The following CUX1 variants were observed in gnomAD, a reference collection of about 807,000 sequenced individuals.
CUX1 encodes the protein protein CASP.
A neutral mutation model predicts 158.8 loss-of-function variants in CUX1; 31 were observed. The observed-to-expected ratio is 0.20, with a 90% CI of 0.15 to 0.26. CUX1 has a LOEUF of 0.26. Ranked by LOEUF, CUX1 falls within the 10% of genes least tolerant of loss-of-function variation. The pLI is 1.00. For missense variants in CUX1, 1,589 were observed against 2,014.6 expected, an observed-to-expected ratio of 0.79 and a Z score of 4.04; for synonymous variants, 879 against 862.1, an observed-to-expected ratio of 1.02 and a Z score of -0.34.
At chr7:101,931,363 G>A (rs549017894) in intron 2 of CUX1, among the ~76,000 whole-genome samples, 5 of 152,276 alleles carry the variant, frequency 3.3e-5, no homozygotes, top group African/African-American at 4.8e-5. Context: ...GGACACAGCC[G>A]TCGTAGCTTA....
At position 102,193,878 on chromosome 7, in the gene CUX1, C is replaced by T. The variant is rs781919545; in HGVS notation, c.1113C>T (p.Gly371=). 1.2e-5 allele frequency: 20 copies of T among 1,613,924 alleles called. No individual in the cohort carries two copies. The South Asian group carries it at 1.6e-4, about 13-fold the overall frequency. ...CCATGGAGTTTGCACCGTCCGAGGG[C>T]GCTGGGACACAGGTACGTGTCTCAC... ...LKSMEFAPSE[G]AGTQDAAKPL... The change falls in exon 13 of 24, where the codon GGC becomes GGT. Residue 371 remains glycine (G), a synonymous_variant. Coordinates refer to ENST00000292535, the MANE Select transcript of CUX1 (RefSeq NM_181552.4).
intron 1 of CUX1, among the ~76,000 whole-genome samples, chr7:101,898,989 C>T (rs1316138341): frequency 6.6e-6 from 1 of 152,258 alleles, no homozygotes; most frequent in Admixed American, 6.5e-5. Flanking sequence ...GCCCCGTCCA[C>T]TGGCGGCTAT....
intron 2 of CUX1, among the ~76,000 whole-genome samples, chr7:102,016,839 A>G (rs777287367): frequency 6.6e-6 from 1 of 152,234 alleles, no homozygotes; most frequent in Admixed American, 6.5e-5. Flanking sequence ...CTGATTTTAA[A>G]CAGCCCATTT....
chr7:101,896,076 T>A (rs1191237499), intron 1 of CUX1, among the ~76,000 whole-genome samples: 2 of 151,778 alleles, frequency 1.3e-5, no homozygotes, highest in African/African-American at 4.8e-5. Flanking sequence ...TTTATTATTT[T>A]TTCGAAGAGA....
chr7:101,883,447 T>C (rs1436967367), intron 1 of CUX1, among the ~76,000 whole-genome samples: 1 of 152,190 alleles, frequency 6.6e-6, no homozygotes, highest in Non-Finnish European at 1.5e-5. Flanking sequence ...TGCTGTTTAT[T>C]GTACTTTTAT....
chr7:101,901,412 G>A (rs1449431529), intron 1 of CUX1, among the ~76,000 whole-genome samples: 1 of 152,054 alleles, frequency 6.6e-6, no homozygotes, highest in East Asian at 1.9e-4. Context: ...TCCTGCCTCA[G>A]CCTCCCGAGT....
chr7:102,184,374 G>A (rs1793427483), intron 11 of CUX1, among the ~76,000 whole-genome samples: 2 of 152,308 alleles, frequency 1.3e-5, no homozygotes, highest in South Asian at 2.1e-4. Flanking sequence ...GGAGCCATGT[G>A]GGCTCCGTGT....
intron 9 of CUX1, among the ~76,000 whole-genome samples, chr7:102,167,833 T>C (rs1554509255): frequency 6.6e-6 from 1 of 152,022 alleles, no homozygotes; most frequent in South Asian, 2.1e-4. Context: ...TAATCCCAGC[T>C]CTTTGGGAGG....
chr7:102,105,577 A>G (rs1436686919), intron 6 of CUX1, among the ~76,000 whole-genome samples: 1 of 144,264 alleles, frequency 6.9e-6, no homozygotes, highest in Non-Finnish European at 1.5e-5. Flanking sequence ...CAATGGCGCA[A>G]TCTCGGCTCA....
intron 5 of CUX1, among the ~76,000 whole-genome samples, chr7:102,098,322 T>G (rs1432960505): frequency 6.6e-6 from 1 of 152,126 alleles, no homozygotes; most frequent in Non-Finnish European, 1.5e-5. Context: ...CAATAAAGAG[T>G]TAATTGGGGC....
intron 1 of CUX1, among the ~76,000 whole-genome samples, chr7:101,881,747 G>A (rs1417362868): frequency 6.6e-6 from 1 of 152,206 alleles, no homozygotes; most frequent in East Asian, 1.9e-4. Flanking sequence ...AAAGGGGACT[G>A]ATGACTTTCT....
rs750818355 is a variant in CUX1 at position 102,053,802 on chromosome 7, C to CTT, written c.190-16516_190-16515dup. ...TTCCATTCTGTGGGTTGTCTTCTCACTTTTTTTTTTTTTTTTTTTTTTGAG... is the reference window on the plus strand; with the variant it reads ...TTCCATTCTGTGGGTTGTCTTCTCACTTTTTTTTTTTTTTTTTTTTTTTTGAG... On this transcript the variant is annotated intron_variant, in intron 3 of 23. Transcript: ENST00000292535. Among the ~76,000 whole-genome samples, 378 of 119,800 alleles carry CTT rather than the reference C, an allele frequency of 3.2e-3. 2 individuals carry two copies. The highest frequency in any genetic ancestry group is 8.5e-3 in the Middle Eastern group (2 of 236). 78.6% of individuals were successfully genotyped at this position (119,800 alleles called of 152,430 possible).
At chr7:101,939,700 G>A (rs916203681) in intron 2 of CUX1, among the ~76,000 whole-genome samples, 4 of 152,228 alleles carry the variant, frequency 2.6e-5, no homozygotes, top group Non-Finnish European at 5.9e-5. Context: ...GGTGGTGGTT[G>A]CCTGTGGTCC....
chr7:101,962,285 A>G (rs1168883319), intron 2 of CUX1, among the ~76,000 whole-genome samples: 1 of 152,216 alleles, frequency 6.6e-6, no homozygotes, highest in Non-Finnish European at 1.5e-5. Flanking sequence ...CTGTCCGTGG[A>G]ATCACAGAGC....
chr7:102,011,868 AGGCT>A (rs981632433), intron 2 of CUX1, among the ~76,000 whole-genome samples: 1 of 151,674 alleles, frequency 6.6e-6, no homozygotes, highest in African/African-American at 2.4e-5. Context: ...CTTGTCACCC[AGGCT>A]GGAGTGCAAT....
In CUX1 at chr7:102,132,190, ATAGATGGATGGG is replaced by A. The variant is rs1563287918; in HGVS notation, c.674+16918_674+16929del. On this transcript the variant is annotated intron_variant, in intron 8 of 23. Transcript: ENST00000292535. Reference sequence around the variant, plus strand: ...GGTGGATAGATGGATGGGCGGGTGGATAGATGGATGGGCGGGTGGATAGATGGATGGATGGAC... The same window carrying A: ...GGTGGATAGATGGATGGGCGGGTGGACGGGTGGATAGATGGATGGATGGAC... 1.4e-3 allele frequency among the ~76,000 whole-genome samples: 211 copies of A among 151,114 alleles called. 1 individual carries two copies. Among genetic ancestry groups the A allele is most frequent in the African/African-American group, 5.0e-3 (206 of 41,182 alleles).
chr7:101,816,110 C>G, upstream of CUX1: 1 of 1,337,630 alleles, frequency 7.5e-7, no homozygotes, highest in Non-Finnish European at 9.9e-7. Flanking sequence ...CTCCTCCGCG[C>G]TCGGCCTCGC....
chr7:101,954,427 G>A (rs189741292), intron 2 of CUX1, among the ~76,000 whole-genome samples: 97 of 152,314 alleles, frequency 6.4e-4, no homozygotes, highest in Non-Finnish European at 1.3e-3. Context: ...TCCCGTCCTC[G>A]TTGTAAATAT....
chr7:102,074,618 G>A (rs1050906785), intron 4 of CUX1, among the ~76,000 whole-genome samples: 4 of 152,152 alleles, frequency 2.6e-5, no homozygotes, highest in Non-Finnish European at 5.9e-5. Flanking sequence ...CCAAATTCCC[G>A]CCACTCCCAC....
Sources: allele counts gnomAD v4.1 joint callset (sites outside exome capture counted in the v4.1 genomes callset), GRCh38; gene constraint gnomAD v4.1.1; transcripts MANE v1.5; gene names NCBI Gene and HGNC (gene_info 2026-07-23, HGNC 2026-07-21).